HERPUD2: variants seen among roughly 807,000 people sequenced by gnomAD.
The protein encoded by HERPUD2 is HERPUD family member 2, also known as homocysteine-responsive endoplasmic reticulum-resident ubiquitin-like domain member 2 protein.
HERPUD2 carries 13 observed loss-of-function variants against 49.9 expected under a neutral mutation model. That is an observed-to-expected ratio of 0.26 (90% CI 0.17 to 0.41). The LOEUF (loss-of-function observed/expected upper bound fraction) is 0.41, where lower values mean the gene tolerates loss of function less well. Among genes scored for constraint, HERPUD2 ranks in the 10% least tolerant of loss-of-function variants. HERPUD2 has a pLI of 1.00. For missense variants in HERPUD2, 449 were observed against 492.2 expected, an observed-to-expected ratio of 0.91 and a Z score of 0.83; for synonymous variants, 172 against 171.4, an observed-to-expected ratio of 1.00 and a Z score of -0.03.
chr7:35,684,864 A>C (rs1786000326), intron 2 of HERPUD2, among the ~76,000 whole-genome samples: 2 of 152,210 alleles, frequency 1.3e-5, no homozygotes, highest in South Asian at 4.1e-4. Flanking sequence ...TCATGTAACC[A>C]AACACCACCT....
intron 5 of HERPUD2, among the ~76,000 whole-genome samples, chr7:35,659,644 C>CAA (rs2115916057): frequency 6.6e-6 from 1 of 152,262 alleles, no homozygotes; most frequent in East Asian, 1.9e-4. Context: ...TCACAAAATT[C>CAA]AAACCCAGAT....
chr7:35,691,965 CA>C lies in HERPUD2; in HGVS notation c.147+2218del, dbSNP rs763809176. On this transcript the variant is annotated intron_variant, in intron 2 of 8. Coordinates refer to ENST00000311350, the MANE Select transcript of HERPUD2 (RefSeq NM_022373.5). ...CTATGACGATAAACACACATACCCC[CA>C]CCGCTCCAGAGCTCCACCCACTCAA... Among the ~76,000 whole-genome samples the C allele has an allele frequency of 3.9e-5, 6 of 152,290 alleles. No homozygotes were observed. The East Asian group carries it at 7.7e-4, about 20-fold the overall frequency.
chr7:35,662,672 A>G (rs1186915920), intron 5 of HERPUD2, among the ~76,000 whole-genome samples: 4 of 152,108 alleles, frequency 2.6e-5, no homozygotes. Context: ...AGAGGTGTTT[A>G]TAGTACTCTC....
At chr7:35,657,125 T>C (rs1415680656) in intron 5 of HERPUD2, among the ~76,000 whole-genome samples, 2 of 152,066 alleles carry the variant, frequency 1.3e-5, no homozygotes, top group African/African-American at 2.4e-5. Context: ...GGAACTAATA[T>C]GTAGAATATA....
intron 6 of HERPUD2, among the ~76,000 whole-genome samples, chr7:35,636,211 G>T (rs1342490747): frequency 6.6e-6 from 1 of 152,122 alleles, no homozygotes; most frequent in Admixed American, 6.5e-5. Flanking sequence ...GTCAAAGCTG[G>T]GTGATAGGTA....
intron 5 of HERPUD2, among the ~76,000 whole-genome samples, chr7:35,661,070 G>A (rs924472440): frequency 6.6e-6 from 1 of 152,190 alleles, no homozygotes; most frequent in Admixed American, 6.5e-5. Flanking sequence ...GTGTAAGGAA[G>A]GGATCTAGTT....
At chr7:35,646,703 G>T (rs1416828065) in intron 5 of HERPUD2, among the ~76,000 whole-genome samples, 2 of 152,164 alleles carry the variant, frequency 1.3e-5, no homozygotes, top group African/African-American at 4.8e-5. Flanking sequence ...TAATATGCCT[G>T]TCCCCATAGA....
At chr7:35,660,105 C>T (rs1785379071) in intron 5 of HERPUD2, among the ~76,000 whole-genome samples, 2 of 152,168 alleles carry the variant, frequency 1.3e-5, no homozygotes, top group South Asian at 4.1e-4. Context: ...TCAGTTCCCA[C>T]CTATGAGTGA....
chr7:35,657,349 C>CA (rs1347373101), intron 5 of HERPUD2, among the ~76,000 whole-genome samples: 5 of 151,534 alleles, frequency 3.3e-5, no homozygotes, highest in African/African-American at 9.7e-5. Flanking sequence ...ACTAAAAAGA[C>CA]AAAAAAACAA....
intron 5 of HERPUD2, among the ~76,000 whole-genome samples, chr7:35,651,732 T>TG (rs1409415213): frequency 6.7e-6 from 1 of 150,002 alleles, no homozygotes; most frequent in African/African-American, 2.5e-5. Flanking sequence ...TGGATTCCAG[T>TG]GAAAAAAAAA....
In HERPUD2 at chr7:35,635,362, T is replaced by A; in HGVS notation, c.714A>T (p.Glu238Asp). The A allele has an allele frequency of 6.2e-7, 1 of 1,614,068 alleles. No homozygotes were observed. Among genetic ancestry groups the A allele is most frequent in the Non-Finnish European group, 8.5e-7 (1 of 1,179,996 alleles). Residue 238 changes from glutamate to aspartate, a missense_variant, in exon 7 of 9, where the codon GAA becomes GAT. Coordinates refer to ENST00000311350, the MANE Select transcript of HERPUD2 (RefSeq NM_022373.5). ...CCACTAGGTTTGGAGCTGGTGGGGG[T>A]TCTTCTCCAGGAACATGTGCCAAAT... ...PLNLAHVPGE[E>D]PPPAPNLVAQ...
intron 5 of HERPUD2, among the ~76,000 whole-genome samples, chr7:35,649,571 G>A (rs1261104705): frequency 6.6e-6 from 1 of 152,164 alleles, no homozygotes; most frequent in South Asian, 2.1e-4. Context: ...ATTTTAGGGA[G>A]ACATGGGACA....
chr7:35,687,506 C>CT (rs1786088479), intron 2 of HERPUD2, among the ~76,000 whole-genome samples: 1 of 152,196 alleles, frequency 6.6e-6, no homozygotes, highest in Non-Finnish European at 1.5e-5. Flanking sequence ...CTGATGTACT[C>CT]TGAGTGGCCC....
Position 35,682,334 on chromosome 7 carries a change from T to TGTAAATATAGATATATACACACACACAC in HERPUD2, c.148-9057_148-9056insGTGTGTGTGTGTATATATCTATATTTAC, listed in dbSNP as rs1785921595. Among the ~76,000 whole-genome samples, 23 of 18,392 alleles carry TGTAAATATAGATATATACACACACACAC rather than the reference T, an allele frequency of 1.3e-3. 3 individuals carry two copies. The highest frequency in any genetic ancestry group is 3.7e-3 in the African/African-American group (21 of 5,672). The allele number at this position is 18,392 out of a possible 152,430, so 12.1% of individuals were successfully genotyped here. A position where few individuals can be genotyped will look rare whatever the true frequency, so the allele number is the denominator to read the frequency against. On this transcript the variant is annotated intron_variant, in intron 2 of 8. Coordinates refer to ENST00000311350, the MANE Select transcript of HERPUD2 (RefSeq NM_022373.5). ...ATATATACACATACACACGTGTGTG[T>TGTAAATATAGATATATACACACACACAC]GTGTGTGTGTGTGTGTGTGTGTGTA...
chr7:35,636,919 G>A (rs1004287440), intron 6 of HERPUD2, among the ~76,000 whole-genome samples: 3 of 152,084 alleles, frequency 2.0e-5, no homozygotes, highest in Non-Finnish European at 4.4e-5. Context: ...GATCCCTTGA[G>A]GCCAGGAGTT....
At chr7:35,669,105 T>C (rs1401035903) in intron 4 of HERPUD2, among the ~76,000 whole-genome samples, 3 of 152,022 alleles carry the variant, frequency 2.0e-5, no homozygotes, top group Non-Finnish European at 2.9e-5. Flanking sequence ...CCAACAAAAA[T>C]TGAAGCAATG....
chr7:35,669,037 T>A (rs1030171348), intron 4 of HERPUD2, among the ~76,000 whole-genome samples: 3 of 152,084 alleles, frequency 2.0e-5, no homozygotes, highest in African/African-American at 7.2e-5. Context: ...TACACACTAA[T>A]GACACAAAAT....
At chr7:35,651,127 G>C (rs765413152) in intron 5 of HERPUD2, among the ~76,000 whole-genome samples, 1 of 152,162 alleles carries the variant, frequency 6.6e-6, no homozygotes, top group Non-Finnish European at 1.5e-5. Context: ...CACCACCACA[G>C]ACTGCTTGGG....
intron 2 of HERPUD2, among the ~76,000 whole-genome samples, chr7:35,679,946 C>T (rs1027630906): frequency 3.3e-5 from 5 of 152,144 alleles, no homozygotes; most frequent in African/African-American, 9.7e-5. Context: ...ATTGTCAAAT[C>T]CTATAGACTC....
Sources: gnomAD v4.1 joint callset for allele counts (sites outside exome capture counted in the v4.1 genomes callset) on GRCh38, gnomAD v4.1.1 for gene constraint, MANE v1.5 for transcripts, NCBI Gene and HGNC (gene_info 2026-07-23, HGNC 2026-07-21) for gene names.